Variants in ORC3 observed in about 807,000 individuals in gnomAD.
The protein encoded by ORC3 is origin recognition complex subunit 3.
ORC3 carries 78 observed loss-of-function variants against 100.7 expected under a neutral mutation model. That is an observed-to-expected ratio of 0.77 (90% confidence interval 0.65 to 0.94). ORC3 has a LOEUF of 0.94. ORC3 is among the 40% of genes least tolerant of loss of function. The pLI is 0.00. For synonymous variants in ORC3, 295 were observed against 289.3 expected, an observed-to-expected ratio of 1.02 and a Z score of -0.20; for missense variants, 789 against 823.9, an observed-to-expected ratio of 0.96 and a Z score of 0.52.
At chr6:87,663,891 C>T (rs1473745654) in intron 17 of ORC3, among the ~76,000 whole-genome samples, 1 of 152,152 alleles carries the variant, frequency 6.6e-6, no homozygotes, top group East Asian at 1.9e-4. Flanking sequence ...TCCGTAAGAC[C>T]TATGAAGAGC....
intron 1 of ORC3, 36 bp downstream of exon 1, chr6:87,590,228 C>T: frequency 1.2e-6 from 2 of 1,605,886 alleles, no homozygotes; most frequent in Non-Finnish European, 1.7e-6. Context: ...GGCTCTACCG[C>T]TGCCTCATTC....
intron 16 of ORC3, among the ~76,000 whole-genome samples, chr6:87,658,683 CT>C (rs999389651): frequency 2.0e-5 from 3 of 152,102 alleles, no homozygotes; most frequent in Non-Finnish European, 4.4e-5. Flanking sequence ...AATGCTGGAT[CT>C]GAGCCAAGCC....
At chr6:87,605,675 G>A (rs1310373298) in intron 4 of ORC3, among the ~76,000 whole-genome samples, 1 of 151,760 alleles carries the variant, frequency 6.6e-6, no homozygotes, top group African/African-American at 2.4e-5. Context: ...AAGCTTTCAA[G>A]TGCACATCCC....
chr6:87,613,459 A>T (rs1437383182), intron 8 of ORC3, among the ~76,000 whole-genome samples: 4 of 152,176 alleles, frequency 2.6e-5, no homozygotes, highest in Non-Finnish European at 5.9e-5. Flanking sequence ...CTCCCAAATC[A>T]CATGTCCTCA....
At chr6:87,616,737 A>G (rs1583050081) in intron 9 of ORC3, among the ~76,000 whole-genome samples, 1 of 151,746 alleles carries the variant, frequency 6.6e-6, no homozygotes, top group Non-Finnish European at 1.5e-5. Flanking sequence ...GACTTTTTCT[A>G]CCAAGGAAAT....
chr6:87,646,004 TG>T (rs1768751415), intron 13 of ORC3, among the ~76,000 whole-genome samples: 1 of 149,728 alleles, frequency 6.7e-6, no homozygotes, highest in Non-Finnish European at 1.5e-5. Flanking sequence ...TCTTTTTTTT[TG>T]AGGCGGAGTC....
the ORC3 span, chr6:87,675,495 G>A: frequency 4.0e-6 from 6 of 1,502,326 alleles, no homozygotes; most frequent in Admixed American, 5.1e-5. Flanking sequence ...GAAATAACCT[G>A]TATTCACAGA....
At chr6:87,604,118 C>A (rs1778166941) in intron 4 of ORC3, among the ~76,000 whole-genome samples, 1 of 152,144 alleles carries the variant, frequency 6.6e-6, no homozygotes, top group African/African-American at 2.4e-5. Context: ...GATTCCAGCA[C>A]AATGGAAAAA....
At position 87,616,402 on chromosome 6, in the gene ORC3, T is replaced by C. The variant is rs778952166; in HGVS notation, c.962T>C (p.Val321Ala). 2 of 1,484,360 alleles carry C rather than the reference T, an allele frequency of 1.3e-6. No individual in the cohort carries two copies. The highest frequency in any genetic ancestry group is 2.3e-5 in the South Asian group (2 of 88,300). The allele number at this position is 1,484,360 out of a possible 1,614,324, so 91.9% of individuals were successfully genotyped here. The change falls in exon 9 of 20, where the codon GTT (valine) becomes GCT (alanine). Residue 321 changes from valine to alanine, a missense_variant. Val to Ala is a moderately conservative substitution (Grantham distance 64). Coordinates refer to ENST00000392844, the MANE Select transcript of ORC3 (RefSeq NM_012381.4). ...ATCTTTTTGTATCATGATTTCTCAG[T>C]TCAAAACTTTATAAAAGGACTTCAG... Reference protein sequence around the residue: ...TNIFLYHDFSVQNFIKGLQLS... With the variant: ...TNIFLYHDFSAQNFIKGLQLS...
At chr6:87,629,700 C>T (rs1008725500) in intron 11 of ORC3, among the ~76,000 whole-genome samples, 1 of 152,140 alleles carries the variant, frequency 6.6e-6, no homozygotes, top group Non-Finnish European at 1.5e-5. Flanking sequence ...GCCGTCACCC[C>T]TCCCAACCCT....
chr6:87,630,233 C>A (rs1421056839), intron 11 of ORC3, among the ~76,000 whole-genome samples: 1 of 151,992 alleles, frequency 6.6e-6, no homozygotes, highest in Non-Finnish European at 1.5e-5. Context: ...TAATGAGACC[C>A]CATCTCTACA....
At position 87,642,774 on chromosome 6, in the gene ORC3, C is replaced by T. The variant is rs562296472; in HGVS notation, c.1382+6288C>T. On this transcript the variant is annotated intron_variant, in intron 13 of 19. Transcript: ENST00000392844. ...AAAATTAGCCGGGTGTGGTGGCAGA[C>T]GCCTGTAGTCCCAGCTACTCAGGAG... Among the ~76,000 whole-genome samples the T allele has an allele frequency of 1.3e-4, 19 of 148,682 alleles. No individual in the cohort carries two copies. The East Asian group carries it at 2.7e-3, about 21-fold the overall frequency.
chr6:87,609,382 C>G (rs1583029678), intron 7 of ORC3, 153 bp downstream of exon 7: 2 of 549,614 alleles, frequency 3.6e-6, no homozygotes, highest in Non-Finnish European at 6.0e-6. Flanking sequence ...GACTTCCTAT[C>G]AGATTTTCCA....
At chr6:87,638,991 G>T (rs1768022315) in intron 13 of ORC3, among the ~76,000 whole-genome samples, 1 of 151,798 alleles carries the variant, frequency 6.6e-6, no homozygotes, top group Admixed American at 6.6e-5. Flanking sequence ...TGATGATTCA[G>T]TGTACCTTGT....
intron 13 of ORC3, among the ~76,000 whole-genome samples, chr6:87,637,773 G>T (rs1255795860): frequency 6.6e-6 from 1 of 152,224 alleles, no homozygotes; most frequent in Non-Finnish European, 1.5e-5. Context: ...AAGAATGCCA[G>T]TTCCAAAGTA....
chr6:87,656,449 A>G (rs994974061), intron 14 of ORC3, among the ~76,000 whole-genome samples: 2 of 152,100 alleles, frequency 1.3e-5, no homozygotes, highest in African/African-American at 4.8e-5. Context: ...TTAGCCAGGC[A>G]TGGTGGCCGG....
chr6:87,612,026 TATG>T, intron 7 of ORC3, 60 bp from the exon 8 acceptor site: 1 of 1,431,406 alleles, frequency 7.0e-7, no homozygotes, highest in Non-Finnish European at 9.6e-7. Flanking sequence ...TATGTTGAAA[TATG>T]ATGTATTGAA....
chr6:87,621,953 C>G lies in ORC3; in HGVS notation c.1125C>G (p.Tyr375Ter). The G allele has an allele frequency of 6.2e-7, 1 of 1,600,418 alleles. No homozygotes were observed. ...TATGGAATGGTGAAAATTCTAGGTA[C>G]GTGGAAAAGCAAGCTTCAGAAAAGC... ...NIRRLPSFRR[Y>*]VEKQASEKQV... Residue 375 changes from tyrosine (Y) to a stop codon, truncating the protein, a stop_gained, in exon 11 of 20, where the codon TAC (tyrosine) becomes TAG (stop). Coordinates refer to ENST00000392844, the MANE Select transcript of ORC3 (RefSeq NM_012381.4). LOFTEE classifies it high-confidence loss of function.
At chr6:87,605,785 A>G (rs1039588438) in intron 4 of ORC3, 132 bp from the exon 5 acceptor site, 50 of 580,378 alleles carry the variant, frequency 8.6e-5, no homozygotes, top group Admixed American at 1.6e-4. Context: ...TTTATATAGT[A>G]TATTTCCTTG....
Sources: allele counts gnomAD v4.1 joint callset (sites outside exome capture counted in the v4.1 genomes callset), GRCh38; gene constraint gnomAD v4.1.1; transcripts MANE v1.5; gene names NCBI Gene and HGNC (gene_info 2026-07-23, HGNC 2026-07-21).